Variants in TBC1D9 observed in about 807,000 individuals in gnomAD.
TBC1D9 encodes TBC1 domain family member 9A.
In TBC1D9, 63 loss-of-function variants were observed where a neutral mutation model predicts 132.0. The observed-to-expected ratio is 0.48, with a 90% CI of 0.39 to 0.59. The LOEUF is 0.59. TBC1D9 is among the 20% of genes least tolerant of loss of function. The pLI is 0.00. For synonymous variants in TBC1D9, 610 were observed against 609.9 expected, an observed-to-expected ratio of 1.00 and a Z score of 0.00; for missense variants, 1,261 against 1,592.7, an observed-to-expected ratio of 0.79 and a Z score of 3.54.
rs1166445082 is a variant in TBC1D9 at position 140,724,419 on chromosome 4, G to A, written c.131-22805C>T. ...TTCCAGCCTCACATAACTATGATCT[G>A]GCCCAGGTACACAGCGGCCATTTTC... On this transcript the variant is annotated intron_variant, in intron 1 of 20. Coordinates refer to ENST00000442267, the MANE Select transcript of TBC1D9 (RefSeq NM_015130.3). Among the ~76,000 whole-genome samples, 3 of 152,098 alleles carry A rather than the reference G, an allele frequency of 2.0e-5. No homozygotes were observed. The East Asian group carries it at 5.8e-4, about 29-fold the overall frequency.
chr4:140,649,467 T>C (rs1737152551), intron 13 of TBC1D9, among the ~76,000 whole-genome samples: 1 of 152,172 alleles, frequency 6.6e-6, no homozygotes, highest in Non-Finnish European at 1.5e-5. Flanking sequence ...AAACTCCAAA[T>C]ACTTAAGATA....
intron 1 of TBC1D9, among the ~76,000 whole-genome samples, chr4:140,715,232 A>G (rs1348310467): frequency 1.3e-5 from 2 of 152,176 alleles, no homozygotes; most frequent in Non-Finnish European, 2.9e-5. Flanking sequence ...AAGGAAGGAG[A>G]GTATAATGAG....
At chr4:140,633,507 G>A (rs1196986385) in intron 16 of TBC1D9, among the ~76,000 whole-genome samples, 1 of 152,136 alleles carries the variant, frequency 6.6e-6, no homozygotes, top group Non-Finnish European at 1.5e-5. Context: ...CCGCAGGGCT[G>A]CTGTGATGCT....
chr4:140,686,848 T>A (rs1457371675), intron 2 of TBC1D9, among the ~76,000 whole-genome samples: 1 of 152,168 alleles, frequency 6.6e-6, no homozygotes, highest in Non-Finnish European at 1.5e-5. Flanking sequence ...GATACTAGGT[T>A]ACAGTTGTTA....
At chr4:140,660,910 ATTCT>A (rs1254860547) in intron 10 of TBC1D9, among the ~76,000 whole-genome samples, 2 of 129,410 alleles carry the variant, frequency 1.5e-5, no homozygotes, top group Admixed American at 1.6e-4. Flanking sequence ...ATAGCCTTTG[ATTCT>A]TTCTTTTTTT....
intron 10 of TBC1D9, among the ~76,000 whole-genome samples, chr4:140,660,280 A>G (rs1196188429): frequency 6.6e-6 from 1 of 152,246 alleles, no homozygotes; most frequent in Non-Finnish European, 1.5e-5. Flanking sequence ...ATTAAAAGAT[A>G]TTATCAGATA....
In TBC1D9 at chr4:140,673,704, C is replaced by G. The variant is rs1274732662; in HGVS notation, c.1060-2778G>C. ...CCACAACAAGCTTGATTTCTAAATG[C>G]TACCTCTGCAGACTGCCTCTCTTCT... On this transcript the variant is annotated intron_variant, in intron 6 of 20. Coordinates refer to ENST00000442267, the MANE Select transcript of TBC1D9 (RefSeq NM_015130.3). Among the ~76,000 whole-genome samples the G allele has an allele frequency of 4.6e-5, 7 of 152,188 alleles. No individual in the cohort carries two copies. In the East Asian group the frequency reaches 5.8e-4, roughly 13 times the overall value.
chr4:140,643,726 G>A (rs767000967), intron 13 of TBC1D9: 14 of 1,217,926 alleles, frequency 1.1e-5, no homozygotes, highest in East Asian at 2.5e-5. Context: ...GGTTCTGTCC[G>A]GCCCGGGGAA....
At chr4:140,705,640 C>A (rs1261740947) in intron 1 of TBC1D9, among the ~76,000 whole-genome samples, 2 of 152,040 alleles carry the variant, frequency 1.3e-5, no homozygotes, top group Non-Finnish European at 2.9e-5. Flanking sequence ...CCTCCTTTGT[C>A]CTCTATTGAT....
chr4:140,622,783 C>T lies in TBC1D9; in HGVS notation c.3213G>A (p.Val1071=), dbSNP rs1187849392. ...TCCCGCCCTCCTTTGCAGGCTGGGC[C>T]ACGAACAACTTGCCGACCTCCCCAA... is the stretch of plus-strand genomic sequence containing the variant. ...LEIGEVGKLF[V]AQPAKEGGSG... is the part of the protein sequence containing the mutation. The change falls in exon 21 of 21, where the codon GTG becomes GTA. Residue 1071 remains valine (V), a synonymous_variant. Transcript: ENST00000442267. 1 of 1,603,284 alleles carries T rather than the reference C, an allele frequency of 6.2e-7. No individual in the cohort carries two copies. Among genetic ancestry groups the T allele is most frequent in the Non-Finnish European group, 8.5e-7 (1 of 1,179,268 alleles).
intron 1 of TBC1D9, among the ~76,000 whole-genome samples, chr4:140,715,449 C>T (rs1386502063): frequency 6.6e-6 from 1 of 152,192 alleles, no homozygotes; most frequent in Non-Finnish European, 1.5e-5. Context: ...AAGTTGAATT[C>T]ATAGTACCTT....
At chr4:140,687,835 T>C (rs1000948401) in intron 2 of TBC1D9, among the ~76,000 whole-genome samples, 1 of 152,228 alleles carries the variant, frequency 6.6e-6, no homozygotes, top group African/African-American at 2.4e-5. Flanking sequence ...ACTGTAATCC[T>C]GGCACTTTGG....
At chr4:140,661,732 C>T (rs1294051281) in intron 10 of TBC1D9, among the ~76,000 whole-genome samples, 161 bp downstream of exon 10, 1 of 152,212 alleles carries the variant, frequency 6.6e-6, no homozygotes, top group Non-Finnish European at 1.5e-5. Flanking sequence ...ACAGCCCATA[C>T]AACAAAGAGT....
intron 1 of TBC1D9, among the ~76,000 whole-genome samples, chr4:140,708,609 C>G (rs902727640): frequency 2.6e-5 from 4 of 152,208 alleles, no homozygotes; most frequent in African/African-American, 9.7e-5. Context: ...GAAAATGGTT[C>G]TGTGTGCAGG....
intron 1 of TBC1D9, among the ~76,000 whole-genome samples, chr4:140,744,589 C>A (rs944379832): frequency 6.6e-6 from 1 of 152,094 alleles, no homozygotes; most frequent in African/African-American, 2.4e-5. Flanking sequence ...ACCTCATCTA[C>A]GTAAGAGCCT....
intron 1 of TBC1D9, among the ~76,000 whole-genome samples, chr4:140,734,709 C>T (rs1361743730): frequency 1.3e-5 from 2 of 151,986 alleles, no homozygotes; most frequent in Non-Finnish European, 2.9e-5. Context: ...GTGGGAAGAA[C>T]GTTTGAGCCA....
intron 13 of TBC1D9, among the ~76,000 whole-genome samples, chr4:140,641,590 G>A (rs1370178979): frequency 1.3e-5 from 2 of 149,586 alleles, no homozygotes; most frequent in South Asian, 2.2e-4. Flanking sequence ...ACAGCCTGGG[G>A]TCTCTGGGTG....
chr4:140,738,393 A>C (rs777181069), intron 1 of TBC1D9, among the ~76,000 whole-genome samples: 34 of 152,162 alleles, frequency 2.2e-4, no homozygotes, highest in Non-Finnish European at 4.4e-4. Flanking sequence ...ATGTAGATTC[A>C]TTGAGGACTA....
At chr4:140,643,486 G>A in intron 13 of TBC1D9, 2 of 884,528 alleles carry the variant, frequency 2.3e-6, no homozygotes, top group South Asian at 2.8e-5. Flanking sequence ...CCGGGCACAG[G>A]CACGGCCTCC....
Sources: allele counts gnomAD v4.1 joint callset (sites outside exome capture counted in the v4.1 genomes callset), GRCh38; gene constraint gnomAD v4.1.1; transcripts MANE v1.5; gene names NCBI Gene and HGNC (gene_info 2026-07-23, HGNC 2026-07-21).